The following PDIA5 variants were observed in gnomAD, a reference collection of about 807,000 sequenced individuals.
PDIA5 encodes the protein protein disulfide-isomerase A5.
A neutral mutation model predicts 77.6 loss-of-function variants in PDIA5; 58 were observed. The observed-to-expected ratio is 0.75, with a 90% CI of 0.61 to 0.93. The LOEUF (loss-of-function observed/expected upper bound fraction) is 0.93, where lower values mean the gene tolerates loss of function less well. Ranked by LOEUF, PDIA5 falls within the 40% of genes least tolerant of loss-of-function variation. PDIA5 has a pLI of 0.00. For synonymous variants in PDIA5, 250 were observed against 252.1 expected (o/e 0.99, Z 0.08); for missense variants, 630 against 647.7 (o/e 0.97, Z 0.30).
chr3:123,102,382 A>G (rs767987527), intron 3 of PDIA5, 29 bp from the exon 4 acceptor site: 1 of 1,578,164 alleles, frequency 6.3e-7, no homozygotes, highest in East Asian at 2.2e-5. Flanking sequence ...TTCAGGTAAT[A>G]AATGGTTCCC....
intron 7 of PDIA5, among the ~76,000 whole-genome samples, chr3:123,111,617 G>A (rs1934866250): frequency 6.6e-6 from 1 of 152,218 alleles, no homozygotes; most frequent in Non-Finnish European, 1.5e-5. Flanking sequence ...CTGCAAGCCG[G>A]GTGAACTTGG....
At chr3:123,151,803 GCCTTCCTGCCTGCCTGCCTGCCTGCCTT>G in intron 14 of PDIA5, among the ~76,000 whole-genome samples, 1 of 110,212 alleles carries the variant, frequency 9.1e-6, no homozygotes, top group Non-Finnish European at 1.8e-5. Flanking sequence ...CTGCCTGCCT[GCCTTCCTGCCTGCCTGCCTGCCTGCCTT>G]CCTGCCTGCC....
At chr3:123,136,749 A>AAAAAAG (rs1560545915) in intron 11 of PDIA5, among the ~76,000 whole-genome samples, 2 of 127,080 alleles carry the variant, frequency 1.6e-5, no homozygotes, top group Admixed American at 7.9e-5. Flanking sequence ...AAAAAAAAAA[A>AAAAAAG]GGGGGTTGGG....
intron 1 of PDIA5, among the ~76,000 whole-genome samples, chr3:123,078,451 T>C (rs1189557863): frequency 6.6e-6 from 1 of 152,196 alleles, no homozygotes; most frequent in Non-Finnish European, 1.5e-5. Flanking sequence ...TTAGAAATAA[T>C]ATCAGATTTA....
rs758649994 is a variant in PDIA5, at chr3:123,092,363, G to A, written c.178G>A (p.Ala60Thr). Reference sequence around the variant, plus strand: ...TTGTTTTTTTTTTACAGAGGTGGCAGCTGAAAATCATCTCAGGTTACTGTC... The same window carrying A: ...TTGTTTTTTTTTTACAGAGGTGGCAACTGAAAATCATCTCAGGTTACTGTC... ...LVLYSKSEVA[A>T]ENHLRLLSTV... is the part of the protein sequence containing the mutation. The change falls in exon 3 of 17, where the codon GCT (alanine) becomes ACT (threonine). Residue 60 changes from alanine (A) to threonine (T), a missense_variant. By Grantham distance (58) the Ala-to-Thr change is moderately conservative (BLOSUM62 0). Transcript: ENST00000316218. 3.7e-6 allele frequency: 6 copies of A among 1,613,060 alleles called. No homozygotes were observed. The highest frequency in any genetic ancestry group is 4.5e-5 in the East Asian group (2 of 44,874).
intron 3 of PDIA5, among the ~76,000 whole-genome samples, chr3:123,097,947 C>T (rs538238374): frequency 2.2e-4 from 34 of 152,256 alleles, no homozygotes; most frequent in South Asian, 6.2e-4. Flanking sequence ...CTTCTTTCTA[C>T]CCCACCAGGA....
rs551284283 is a variant in PDIA5 at position 123,140,498 on chromosome 3, G to C, written c.911-5024G>C. On this transcript the variant is annotated intron_variant, in intron 11 of 16. Transcript: ENST00000316218. Reference sequence around the variant, plus strand: ...AGAAGTATTTTGTAATTAGAAGAGAGACAGATCATTCGATGGGGCTACAGT... The same window carrying C: ...AGAAGTATTTTGTAATTAGAAGAGACACAGATCATTCGATGGGGCTACAGT... Among the ~76,000 whole-genome samples the C allele has an allele frequency of 1.2e-4, 19 of 152,216 alleles. 1 individual carries two copies. Among genetic ancestry groups the C allele is most frequent in the Admixed American group, 3.9e-4 (6 of 15,280 alleles).
chr3:123,124,387 CG>C, intron 10 of PDIA5, 44 bp downstream of exon 10: 2 of 1,427,440 alleles, frequency 1.4e-6, no homozygotes, highest in Non-Finnish European at 2.0e-6. Flanking sequence ...ACCCAGAGGG[CG>C]GGGCATCTGC....
At chr3:123,105,362 C>T (rs1031997642) in intron 5 of PDIA5, among the ~76,000 whole-genome samples, 5 of 152,212 alleles carry the variant, frequency 3.3e-5, no homozygotes, top group Non-Finnish European at 7.3e-5. Flanking sequence ...CTCACATGGC[C>T]TGGTGGACAG....
chr3:123,124,041 A>G (rs760388587), intron 8 of PDIA5, 25 bp from the exon 9 acceptor site: 2 of 1,530,332 alleles, frequency 1.3e-6, no homozygotes, highest in Non-Finnish European at 9.1e-7. Flanking sequence ...CAGGCTCCAC[A>G]CGGCTCTTCT....
At chr3:123,117,804 A>G (rs1318706592) in intron 8 of PDIA5, among the ~76,000 whole-genome samples, 1 of 152,006 alleles carries the variant, frequency 6.6e-6, no homozygotes, top group East Asian at 1.9e-4. Context: ...CCTCTTTGGG[A>G]TCCTGCTTCT....
chr3:123,148,093 C>T (rs1935809809), intron 13 of PDIA5, among the ~76,000 whole-genome samples: 1 of 152,178 alleles, frequency 6.6e-6, no homozygotes, highest in Non-Finnish European at 1.5e-5. Flanking sequence ...AGAGCATGGG[C>T]TTTGGAGTCT....
rs114254548 is a variant in PDIA5 at position 123,158,567 on chromosome 3, C to T, written c.1345-2754C>T. ...TCCCACAGGAGACCTCACCAGGAAA[C>T]GTGACACAGAGCTGTTCCACTCAAA... On this transcript the variant is annotated intron_variant, in intron 15 of 16. Coordinates refer to ENST00000316218, the MANE Select transcript of PDIA5 (RefSeq NM_006810.4). Among the ~76,000 whole-genome samples the T allele has an allele frequency of 1.8e-3, 268 of 152,292 alleles. 1 individual carries two copies. The highest frequency in any genetic ancestry group is 6.1e-3 in the African/African-American group (255 of 41,550).
At chr3:123,128,610 C>A (rs1935296077) in intron 10 of PDIA5, among the ~76,000 whole-genome samples, 1 of 152,086 alleles carries the variant, frequency 6.6e-6, no homozygotes, top group African/African-American at 2.4e-5. Flanking sequence ...TGGACTCAAG[C>A]GATCCTCCCA....
At chr3:123,146,623 T>G (rs1227144746) in intron 13 of PDIA5, among the ~76,000 whole-genome samples, 2 of 152,180 alleles carry the variant, frequency 1.3e-5, no homozygotes, top group Non-Finnish European at 2.9e-5. Flanking sequence ...TCGTCCAGGT[T>G]TGCTAGTGGT....
intron 11 of PDIA5, chr3:123,145,016 C>T (rs1935731003): frequency 6.5e-6 from 1 of 153,114 alleles, no homozygotes; most frequent in South Asian, 2.1e-4. Context: ...TTGTGCCCAG[C>T]TCAAGGCCTC....
intron 1 of PDIA5, among the ~76,000 whole-genome samples, chr3:123,079,288 C>G (rs1933933036): frequency 6.9e-6 from 1 of 145,142 alleles, no homozygotes. Flanking sequence ...TCACGCCATT[C>G]TCCTGCCTCA....
rs66567660 is a variant in PDIA5 at position 123,072,912 on chromosome 3, C to CTGTGTGTGTGTGTGTGTGTGTGTG, written c.42+5714_42+5737dup. The stretch of plus-strand genomic sequence containing the variant: ...GTTTATTTGCCCCCTACCTCTCCTT[C>CTGTGTGTGTGTGTGTGTGTGTGTG]TGTGTGTGTGTGTGTGTGTGTGTGT... On this transcript the variant is annotated intron_variant, in intron 1 of 16. Transcript: ENST00000316218. Among the ~76,000 whole-genome samples, 1,403 of 146,896 alleles carry CTGTGTGTGTGTGTGTGTGTGTGTG rather than the reference C, an allele frequency of 9.6e-3. 26 individuals carry two copies. The highest frequency in any genetic ancestry group is 0.03 in the African/African-American group (1,161 of 39,024).
chr3:123,143,889 C>G (rs909456473), intron 11 of PDIA5, among the ~76,000 whole-genome samples: 1 of 152,198 alleles, frequency 6.6e-6, no homozygotes, highest in Non-Finnish European at 1.5e-5. Flanking sequence ...GTCTCCAGTG[C>G]TCTGTCCAGA....
Sources: allele counts gnomAD v4.1 joint callset (sites outside exome capture counted in the v4.1 genomes callset), GRCh38; gene constraint gnomAD v4.1.1; transcripts MANE v1.5; gene names NCBI Gene and HGNC (gene_info 2026-07-23, HGNC 2026-07-21).